The following RSRP1 variants were observed in gnomAD, a reference collection of about 807,000 sequenced individuals.
RSRP1 encodes the protein arginine/serine-rich protein 1.
In RSRP1, 37 loss-of-function variants were observed where a neutral mutation model predicts 33.0. The ratio of observed to expected loss-of-function variants is 1.12; its 90% CI spans 0.86 to 1.48. RSRP1 has a LOEUF of 1.48. Ranked by LOEUF, RSRP1 falls within the 40% of genes most tolerant of loss-of-function variation. The pLI, the probability that RSRP1 is intolerant of heterozygous loss-of-function variation, is 0.00. For missense variants in RSRP1, 402 were observed against 385.3 expected (o/e 1.04, Z -0.36); for synonymous variants, 167 against 158.7 (o/e 1.05, Z -0.40).
intron 1 of RSRP1, among the ~76,000 whole-genome samples, chr1:25,335,147 CCCAAGTCA>C (rs1360416817): frequency 3.6e-5 from 2 of 55,100 alleles, no homozygotes; most frequent in Non-Finnish European, 8.1e-5. Context: ...TTTAACAGCA[CCCAAGTCA>C]CCTCTTGAAT....
intron 1 of RSRP1, among the ~76,000 whole-genome samples, chr1:25,295,849 AATTTTTT>A (rs1395616415): frequency 3.0e-5 from 1 of 33,728 alleles, no homozygotes; most frequent in Non-Finnish European, 1.1e-4. Context: ...GAATATGGGA[AATTTTTT>A]TTTTTTTTTT....
chr1:25,320,870 T>G (rs111998205), intron 1 of RSRP1, among the ~76,000 whole-genome samples: 1 of 130,192 alleles, frequency 7.7e-6, no homozygotes, highest in Non-Finnish European at 1.8e-5. Flanking sequence ...GGCTAAGTCC[T>G]GTCTCTGCAA....
Position 25,290,715 on chromosome 1 carries a change from C to T in RSRP1, c.-66-43686G>A, listed in dbSNP as rs113982491. 5,718 of 1,377,360 alleles carry T rather than the reference C, an allele frequency of 4.2e-3. 966 individuals carry two copies. In the African/African-American group the frequency reaches 0.067, roughly 16 times the overall value. 85.3% of individuals were successfully genotyped at this position (1,377,360 alleles called of 1,614,324 possible). On this transcript the variant is annotated intron_variant, in intron 1 of 1. Coordinates refer to the RSRP1 transcript ENST00000561867. ...GCTGTCTTGGGGAAGGTCAACTTGG[C>T]GCAGTTGGTGGTGATGGTGCTGGTG...
At chr1:25,258,422 C>T (rs1474370158) in intron 1 of RSRP1, among the ~76,000 whole-genome samples, 1 of 152,104 alleles carries the variant, frequency 6.6e-6, no homozygotes, top group Non-Finnish European at 1.5e-5. Flanking sequence ...CTGTGATCCA[C>T]CTGCCTGGGT....
intron 1 of RSRP1, among the ~76,000 whole-genome samples, chr1:25,290,443 C>T (rs1371734286): frequency 1.6e-5 from 2 of 127,538 alleles, no homozygotes; most frequent in East Asian, 3.9e-4. Flanking sequence ...GCAGAGGCCA[C>T]CTTAACGGGA....
intron 1 of RSRP1, among the ~76,000 whole-genome samples, chr1:25,308,662 T>C (rs1450892816): frequency 7.7e-6 from 1 of 130,392 alleles, no homozygotes; most frequent in Non-Finnish European, 1.8e-5. Context: ...ACTGAGCCTA[T>C]GGGAACTGGC....
At chr1:25,261,278 A>T (rs1640135629) in intron 1 of RSRP1, among the ~76,000 whole-genome samples, 1 of 152,244 alleles carries the variant, frequency 6.6e-6, no homozygotes. Flanking sequence ...AGTAGTCATT[A>T]ACGGACAATA....
At chr1:25,244,301 TAG>T in intron 3 of RSRP1, 1 of 1,288,134 alleles carries the variant, frequency 7.8e-7, no homozygotes, top group Non-Finnish European at 1.0e-6. Flanking sequence ...TACCTTTGCT[TAG>T]TTTAAAAATT....
rs1310941310 is a variant in RSRP1 at position 25,277,921 on chromosome 1, G to A, written c.-66-30892C>T. The stretch of plus-strand genomic sequence containing the variant: ...ACTCCCAACCTCAGGTGATGCACCC[G>A]CCTTGGCCTCCCAAAGTGCTGGGAT... On this transcript the variant is annotated intron_variant, in intron 1 of 1. Coordinates refer to the RSRP1 transcript ENST00000561867. Among the ~76,000 whole-genome samples the A allele has an allele frequency of 2.3e-5, 3 of 133,120 alleles. 1 individual carries two copies. The highest frequency in any genetic ancestry group is 7.3e-5 in the Admixed American group (1 of 13,742). The allele number at this position is 133,120 out of a possible 152,430, so 87.3% of individuals were successfully genotyped here. A position where few individuals can be genotyped will look rare whatever the true frequency, so the allele number is the denominator to read the frequency against.
At chr1:25,312,948 A>C (rs1367352316) in intron 1 of RSRP1, among the ~76,000 whole-genome samples, 7 of 110,684 alleles carry the variant, frequency 6.3e-5, no homozygotes, top group South Asian at 2.9e-4. Flanking sequence ...AAAAAAAAAA[A>C]AAAAAAACTT....
chr1:25,262,876 C>A (rs1452847239), intron 1 of RSRP1, among the ~76,000 whole-genome samples: 2 of 152,202 alleles, frequency 1.3e-5, no homozygotes, highest in African/African-American at 4.8e-5. Context: ...TTAGTCCATT[C>A]AGTCATATAT....
chr1:25,244,674 T>G (rs1639196033), intron 3 of RSRP1: 1 of 1,197,736 alleles, frequency 8.3e-7, no homozygotes, highest in Non-Finnish European at 1.1e-6. Flanking sequence ...CACTGTTAAC[T>G]GAAAATGAAA....
At chr1:25,244,482 G>A (rs1639178446) in intron 3 of RSRP1, 3 of 1,289,296 alleles carry the variant, frequency 2.3e-6, no homozygotes, top group African/African-American at 3.0e-5. Context: ...AATGTCTGCA[G>A]ACCACATTCA....
At chr1:25,291,332 G>A (rs1446210171) in intron 1 of RSRP1, among the ~76,000 whole-genome samples, 1 of 130,988 alleles carries the variant, frequency 7.6e-6, no homozygotes, top group South Asian at 2.4e-4. Context: ...AGCTGGGCAT[G>A]GTGGCAGGCG....
At chr1:25,243,776 T>A (rs1639106701) in intron 3 of RSRP1, 143 bp from the exon 4 acceptor site, 1 of 1,408,218 alleles carries the variant, frequency 7.1e-7, no homozygotes, top group Non-Finnish European at 9.3e-7. Context: ...GTAACAGAAC[T>A]ATTGAGTTTT....
rs1644334164 is a variant in RSRP1 at position 25,314,543 on chromosome 1, G to C, written c.-67+23435C>G. On this transcript the variant is annotated intron_variant, in intron 1 of 1. Coordinates refer to the RSRP1 transcript ENST00000561867. The stretch of plus-strand genomic sequence containing the variant: ...GAGTCTCCTTCTGTCACCCAGGCTG[G>C]AATGCAGTGGCGCTATCTCAGCCCA... Among the ~76,000 whole-genome samples, 3 of 132,448 alleles carry C rather than the reference G, an allele frequency of 2.3e-5. 1 individual carries two copies. In the South Asian group the frequency reaches 7.0e-4, roughly 31 times the overall value. The allele number at this position is 132,448 out of a possible 152,430, so 86.9% of individuals were successfully genotyped here. A position where few individuals can be genotyped will look rare whatever the true frequency, so the allele number is the denominator to read the frequency against.
intron 3 of RSRP1, chr1:25,243,939 G>A (rs535225398): frequency 8.6e-6 from 10 of 1,161,136 alleles, no homozygotes; most frequent in Admixed American, 4.3e-5. Context: ...CAGAAAATAC[G>A]TTTTAAGAAA....
chr1:25,279,987 C>T (rs1227253962), intron 1 of RSRP1, among the ~76,000 whole-genome samples: 1 of 128,774 alleles, frequency 7.8e-6, no homozygotes, highest in African/African-American at 2.7e-5. Flanking sequence ...AGCCCTGAAG[C>T]GGGAGCCCAG....
At chr1:25,245,323 T>G (rs756533697) in intron 2 of RSRP1, 22 bp from the exon 3 acceptor site, 3 of 1,591,904 alleles carry the variant, frequency 1.9e-6, no homozygotes, top group African/African-American at 2.7e-5. Flanking sequence ...AGAGAGAGAT[T>G]TTAAAATACT....
Sources: allele counts gnomAD v4.1 joint callset (sites outside exome capture counted in the v4.1 genomes callset), GRCh38; gene constraint gnomAD v4.1.1; transcripts MANE v1.5; gene names NCBI Gene and HGNC (gene_info 2026-07-23, HGNC 2026-07-21).